The following MRPS28 variants were observed in gnomAD, a reference collection of about 807,000 sequenced individuals.
MRPS28 encodes the protein small ribosomal subunit protein bS1m.
In MRPS28, 7 loss-of-function variants were observed where a neutral mutation model predicts 10.8. The observed-to-expected ratio is 0.65, with a 90% CI of 0.37 to 1.22. The LOEUF is 1.22. Ranked by LOEUF, MRPS28 falls within the 50% of genes most tolerant of loss-of-function variation. MRPS28 has a pLI of 0.02. For missense variants in MRPS28, 265 were observed against 232.9 expected, an observed-to-expected ratio of 1.14 and a Z score of -0.90; for synonymous variants, 121 against 93.3, an observed-to-expected ratio of 1.30 and a Z score of -1.71.
At chr8:80,002,942 T>G in intron 2 of MRPS28, 57 bp downstream of exon 2, 1 of 1,359,878 alleles carries the variant, frequency 7.4e-7, no homozygotes, top group Non-Finnish European at 9.8e-7. Flanking sequence ...ACAATACTTT[T>G]GCGCTATCCC....
chr8:80,010,190 T>G (rs1808997894), intron 1 of MRPS28, among the ~76,000 whole-genome samples: 1 of 152,218 alleles, frequency 6.6e-6, no homozygotes, highest in East Asian at 1.9e-4. Context: ...TTGTGCCTTC[T>G]ACTCATTTTT....
chr8:79,929,988 A>C (rs147282543), intron 2 of MRPS28, among the ~76,000 whole-genome samples: 1 of 152,302 alleles, frequency 6.6e-6, no homozygotes, highest in Non-Finnish European at 1.5e-5. Flanking sequence ...AACAAATTTA[A>C]GATCTGATTA....
At chr8:80,019,045 G>T (rs1809282322) in intron 1 of MRPS28, among the ~76,000 whole-genome samples, 1 of 151,948 alleles carries the variant, frequency 6.6e-6, no homozygotes, top group Non-Finnish European at 1.5e-5. Context: ...CCCTATATGT[G>T]ATATAGTATA....
intron 2 of MRPS28, among the ~76,000 whole-genome samples, chr8:79,994,870 T>C (rs1051480318): frequency 3.3e-5 from 5 of 152,114 alleles, no homozygotes; most frequent in Admixed American, 3.3e-4. Flanking sequence ...ACTAAACCAC[T>C]TGAATTCCCA....
chr8:80,020,343 C>T (rs186005385), intron 1 of MRPS28, among the ~76,000 whole-genome samples: 73 of 152,226 alleles, frequency 4.8e-4, no homozygotes, highest in African/African-American at 1.7e-3. Context: ...CTCCCCCTTC[C>T]CATCACGGCC....
At chr8:80,027,321 A>G (rs909034402) in intron 1 of MRPS28, among the ~76,000 whole-genome samples, 2 of 152,046 alleles carry the variant, frequency 1.3e-5, no homozygotes, top group Non-Finnish European at 2.9e-5. Flanking sequence ...CATTATCTCC[A>G]CTTTGAGATA....
intron 2 of MRPS28, among the ~76,000 whole-genome samples, chr8:79,994,498 ATT>A (rs1808449630): frequency 6.6e-6 from 1 of 151,956 alleles, no homozygotes; most frequent in Non-Finnish European, 1.5e-5. Flanking sequence ...ATTATTCAAA[ATT>A]TTTCTCTCTC....
chr8:79,952,626 A>AC (rs1390214086), intron 2 of MRPS28, among the ~76,000 whole-genome samples: 4 of 151,986 alleles, frequency 2.6e-5, no homozygotes, highest in East Asian at 3.9e-4. Flanking sequence ...TTTACTACCT[A>AC]CCCCCCTACA....
chr8:80,028,810 CAG>C (rs1228986765), intron 1 of MRPS28: 1 of 153,676 alleles, frequency 6.5e-6, no homozygotes, highest in Non-Finnish European at 1.5e-5. Context: ...CAAAAAAAAA[CAG>C]AAAAAACAAT....
chr8:79,971,126 C>G (rs1028851375), intron 2 of MRPS28, among the ~76,000 whole-genome samples: 5 of 152,118 alleles, frequency 3.3e-5, no homozygotes, highest in African/African-American at 1.2e-4. Flanking sequence ...TGTCTAAATG[C>G]ATATTTGTTG....
At chr8:79,984,800 A>C (rs1415948493) in intron 2 of MRPS28, among the ~76,000 whole-genome samples, 1 of 152,180 alleles carries the variant, frequency 6.6e-6, no homozygotes, top group African/African-American at 2.4e-5. Flanking sequence ...CTACAAAGAG[A>C]CTTAGACTCC....
intron 2 of MRPS28, among the ~76,000 whole-genome samples, chr8:79,978,236 T>C (rs1164176490): frequency 1.3e-5 from 2 of 152,216 alleles, no homozygotes; most frequent in East Asian, 3.8e-4. Context: ...TTGCAAAGTG[T>C]GGGCTAAGGT....
chr8:79,972,637 A>G (rs1223382468), intron 2 of MRPS28, among the ~76,000 whole-genome samples: 1 of 152,224 alleles, frequency 6.6e-6, no homozygotes, highest in Non-Finnish European at 1.5e-5. Context: ...AATCAAAACA[A>G]TCAGATCACA....
chr8:80,000,620 T>C (rs926921954), intron 2 of MRPS28, among the ~76,000 whole-genome samples: 5 of 152,222 alleles, frequency 3.3e-5, no homozygotes, highest in Non-Finnish European at 7.3e-5. Context: ...TTAATAAATG[T>C]TGTAATAGAT....
At chr8:80,005,178 C>T (rs1006960406) in intron 1 of MRPS28, among the ~76,000 whole-genome samples, 1 of 151,986 alleles carries the variant, frequency 6.6e-6, no homozygotes, top group Non-Finnish European at 1.5e-5. Flanking sequence ...CCAAGACACA[C>T]AATTATCAGA....
At chr8:79,950,864 T>G (rs1303761551) in intron 2 of MRPS28, among the ~76,000 whole-genome samples, 2 of 152,200 alleles carry the variant, frequency 1.3e-5, no homozygotes, top group Non-Finnish European at 2.9e-5. Flanking sequence ...TAGCTTTCAC[T>G]TTAGGACTCA....
chr8:80,027,523 T>C (rs1223850007), intron 1 of MRPS28, among the ~76,000 whole-genome samples: 7 of 152,222 alleles, frequency 4.6e-5, no homozygotes, highest in African/African-American at 1.7e-4. Flanking sequence ...AATGGAGGTT[T>C]AGAAGATTCT....
intron 2 of MRPS28, among the ~76,000 whole-genome samples, chr8:79,987,214 G>C (rs968079237): frequency 6.6e-6 from 1 of 152,208 alleles, no homozygotes; most frequent in East Asian, 1.9e-4. Context: ...GGGAAAACTG[G>C]CTAGCCATAT....
intron 1 of MRPS28, among the ~76,000 whole-genome samples, chr8:80,003,794 T>G (rs1179909929): frequency 6.6e-6 from 1 of 152,082 alleles, no homozygotes; most frequent in Non-Finnish European, 1.5e-5. Context: ...ACCTTAATAG[T>G]GCGCTTTTCC....
Sources: gnomAD v4.1 joint callset for allele counts (sites outside exome capture counted in the v4.1 genomes callset) on GRCh38, gnomAD v4.1.1 for gene constraint, MANE v1.5 for transcripts, NCBI Gene and HGNC (gene_info 2026-07-23, HGNC 2026-07-21) for gene names.